ST6GAL1: variants seen among roughly 807,000 people sequenced by gnomAD.
The protein encoded by ST6GAL1 is ST6 beta-galactoside alpha-2,6-sialyltransferase 1, also known as beta-galactoside alpha-2,6-sialyltransferase 1.
ST6GAL1 carries 20 observed loss-of-function variants against 38.0 expected under a neutral mutation model. That is an observed-to-expected ratio of 0.53 (90% CI 0.37 to 0.77). ST6GAL1 has a LOEUF of 0.77. Ranked by LOEUF, ST6GAL1 falls within the 30% of genes least tolerant of loss-of-function variation. ST6GAL1 has a pLI of 0.00. For missense variants in ST6GAL1, 432 were observed against 496.4 expected, an observed-to-expected ratio of 0.87 and a Z score of 1.23; for synonymous variants, 196 against 188.2, an observed-to-expected ratio of 1.04 and a Z score of -0.34.
chr3:186,970,682 C>G (rs1715318947), intron 2 of ST6GAL1, among the ~76,000 whole-genome samples: 1 of 152,038 alleles, frequency 6.6e-6, no homozygotes, highest in Admixed American at 6.6e-5. Context: ...GGCTTTTTTG[C>G]ACTCATCATA....
intron 1 of ST6GAL1, among the ~76,000 whole-genome samples, chr3:186,933,540 A>C (rs900442566): frequency 2.0e-5 from 3 of 152,202 alleles, no homozygotes; most frequent in Non-Finnish European, 2.9e-5. Flanking sequence ...CCCGAGGACC[A>C]AGAAGAAAAA....
At chr3:187,001,949 T>G (rs1486595995) in intron 2 of ST6GAL1, among the ~76,000 whole-genome samples, 1 of 114,338 alleles carries the variant, frequency 8.7e-6, no homozygotes, top group Non-Finnish European at 1.9e-5. Flanking sequence ...GAGTGAGACT[T>G]TGTCTCAAAA....
chr3:186,967,488 G>C (rs1715182309), intron 2 of ST6GAL1, among the ~76,000 whole-genome samples: 2 of 152,222 alleles, frequency 1.3e-5, no homozygotes, highest in South Asian at 4.1e-4. Flanking sequence ...GACTGCGCCT[G>C]GCCCGAACAC....
At chr3:186,995,517 AATAAT>A (rs772635185) in intron 2 of ST6GAL1, among the ~76,000 whole-genome samples, 3 of 17,682 alleles carry the variant, frequency 1.7e-4, no homozygotes, top group Non-Finnish European at 1.5e-4. Context: ...AAAAAAAAAT[AATAAT>A]AAAATAAAAA....
chr3:186,965,575 C>A (rs1187492395), intron 2 of ST6GAL1, among the ~76,000 whole-genome samples: 2 of 152,128 alleles, frequency 1.3e-5, no homozygotes, highest in African/African-American at 4.8e-5. Context: ...CCATCTGGTC[C>A]CACACCCTCA....
In ST6GAL1 at chr3:186,950,456, T is replaced by G. The variant is rs1449686492; in HGVS notation, c.-324-13329T>G. Among the ~76,000 whole-genome samples, 3 of 152,208 alleles carry G rather than the reference T, an allele frequency of 2.0e-5. No individual in the cohort carries two copies. In the East Asian group the frequency reaches 5.8e-4, roughly 29 times the overall value. On this transcript the variant is annotated intron_variant, in intron 1 of 7. Transcript: ENST00000169298. Reference sequence around the variant, plus strand: ...CATCCCAGTGATCTCTCCATAGGTATCTGGGCTCCAGGCTTAGGGCTAGGA... The same window carrying G: ...CATCCCAGTGATCTCTCCATAGGTAGCTGGGCTCCAGGCTTAGGGCTAGGA...
intron 2 of ST6GAL1, among the ~76,000 whole-genome samples, chr3:187,037,917 G>GT (rs1282851549): frequency 2.9e-4 from 44 of 150,822 alleles, no homozygotes; most frequent in African/African-American, 1.0e-3. Context: ...ACTTTTTCAC[G>GT]TTTTTTTAAA....
At chr3:186,959,154 A>G (rs1280611015) in intron 1 of ST6GAL1, among the ~76,000 whole-genome samples, 1 of 152,208 alleles carries the variant, frequency 6.6e-6, no homozygotes, top group Non-Finnish European at 1.5e-5. Context: ...GAAATTTTGC[A>G]TATGGCAATG....
intron 2 of ST6GAL1, chr3:187,021,876 G>A (rs1717318880): frequency 6.6e-6 from 1 of 152,072 alleles, no homozygotes; most frequent in Non-Finnish European, 1.5e-5. Flanking sequence ...TAGCTTAATA[G>A]GAGGAGGTTC....
chr3:186,973,399 A>C (rs1008746643), intron 2 of ST6GAL1, among the ~76,000 whole-genome samples: 3 of 152,200 alleles, frequency 2.0e-5, no homozygotes, highest in Non-Finnish European at 4.4e-5. Context: ...AGGAAGAGGC[A>C]GGAGGAGGAT....
chr3:187,028,724 G>A lies in ST6GAL1; in HGVS notation c.-182-10018G>A, dbSNP rs1439828136. 2.6e-5 allele frequency among the ~76,000 whole-genome samples: 4 copies of A among 152,224 alleles called. No homozygotes were observed. The South Asian group carries it at 8.3e-4, about 32-fold the overall frequency. On this transcript the variant is annotated intron_variant, in intron 2 of 7. Transcript: ENST00000169298. ...ACGTATTACATATTATTATATCTGCGAAGCCATTTGTTTTTTATTCCCATT... is the reference window on the plus strand; with the variant it reads ...ACGTATTACATATTATTATATCTGCAAAGCCATTTGTTTTTTATTCCCATT...
intron 3 of ST6GAL1, among the ~76,000 whole-genome samples, chr3:187,042,237 A>G (rs1718149386): frequency 6.6e-6 from 1 of 151,900 alleles, no homozygotes; most frequent in Admixed American, 6.6e-5. Context: ...TCAAGCATGC[A>G]TGGCTTCATT....
intron 5 of ST6GAL1, among the ~76,000 whole-genome samples, chr3:187,067,484 C>T (rs1485709657): frequency 6.8e-6 from 1 of 146,228 alleles, no homozygotes; most frequent in Non-Finnish European, 1.5e-5. Context: ...GTGTAAAGTT[C>T]CAGGAGGGGA....
At chr3:186,971,498 T>G (rs915814563) in intron 2 of ST6GAL1, among the ~76,000 whole-genome samples, 5 of 152,218 alleles carry the variant, frequency 3.3e-5, no homozygotes, top group African/African-American at 1.2e-4. Context: ...GCTCCCCCAG[T>G]CTGGCTGTCT....
Position 186,993,604 on chromosome 3 carries a change from A to ATTTT in ST6GAL1, c.-183+29679_-183+29680insTTTT, listed in dbSNP as rs200227384. Among the ~76,000 whole-genome samples the ATTTT allele has an allele frequency of 6.8e-3, 591 of 87,440 alleles. 6 individuals carry two copies. Among genetic ancestry groups the ATTTT allele is most frequent in the East Asian group, 0.038 (148 of 3,918 alleles). The allele number at this position is 87,440 out of a possible 152,430, so 57.4% of individuals were successfully genotyped here. On this transcript the variant is annotated intron_variant, in intron 2 of 7. Transcript: ENST00000169298. ...TATTTATTTATTTATTTATTTATTT[A>ATTTT]TATGTTTTAGAAAACTAAGAGGCCT... is the stretch of plus-strand genomic sequence containing the variant.
At chr3:186,945,310 TAAAAAAAA>T (rs879622812) in intron 1 of ST6GAL1, among the ~76,000 whole-genome samples, 2 of 134,284 alleles carry the variant, frequency 1.5e-5, no homozygotes, top group African/African-American at 5.4e-5. Flanking sequence ...TGTCTCTATT[TAAAAAAAA>T]AAAAAAAAAA....
chr3:186,934,659 G>A (rs1713877476), intron 1 of ST6GAL1, among the ~76,000 whole-genome samples: 1 of 152,208 alleles, frequency 6.6e-6, no homozygotes. Context: ...ATCTCCTGGG[G>A]TTGTTGAGGG....
intron 5 of ST6GAL1, among the ~76,000 whole-genome samples, chr3:187,054,101 G>C (rs934206152): frequency 5.9e-5 from 9 of 152,138 alleles, no homozygotes; most frequent in Admixed American, 6.5e-5. Flanking sequence ...CTCTCTGTTT[G>C]TCTGTTATTG....
chr3:186,999,694 C>T (rs1253644649), intron 2 of ST6GAL1, among the ~76,000 whole-genome samples: 2 of 152,090 alleles, frequency 1.3e-5, no homozygotes, highest in African/African-American at 4.8e-5. Context: ...CAGTCATGAG[C>T]CACCGTGTCC....
Sources: allele counts gnomAD v4.1 joint callset (sites outside exome capture counted in the v4.1 genomes callset), GRCh38; gene constraint gnomAD v4.1.1; transcripts MANE v1.5; gene names NCBI Gene and HGNC (gene_info 2026-07-23, HGNC 2026-07-21).